Variants in FAR2 observed in about 807,000 individuals in gnomAD.
FAR2 encodes fatty acyl-CoA reductase 2.
In FAR2, 19 loss-of-function variants were observed where a neutral mutation model predicts 56.0. The ratio of observed to expected loss-of-function variants is 0.34; its 90% CI spans 0.24 to 0.50. The LOEUF (loss-of-function observed/expected upper bound fraction) is 0.50, where lower values mean the gene tolerates loss of function less well. Among genes scored for constraint, FAR2 ranks in the 20% least tolerant of loss-of-function variants. FAR2 has a pLI of 0.98. For synonymous variants in FAR2, 219 were observed against 218.8 expected (o/e 1.00, Z -0.01); for missense variants, 508 against 642.2 (o/e 0.79, Z 2.26).
In FAR2 at chr12:29,293,337, A is replaced by C. The variant is rs151289424; in HGVS notation, c.227A>C (p.His76Pro). The C allele has an allele frequency of 1.2e-6, 2 of 1,602,736 alleles. No individual in the cohort carries two copies. Among genetic ancestry groups the C allele is most frequent in the Non-Finnish European group, 1.7e-6 (2 of 1,176,246 alleles). Residue 76 changes from histidine to proline, a missense_variant, in exon 3 of 12, where the codon CAT becomes CCT. By Grantham distance (77) the His-to-Pro change is moderately conservative. Transcript: ENST00000536681. ...EKVKEVCPNV[H>P]EKIRAIYADL... The stretch of plus-strand genomic sequence containing the variant: ...GTCAAAGAAGTTTGTCCAAATGTGC[A>C]TGAGAAGATCAGAGCTATTTATGCA...
chr12:29,215,031 T>C (rs1947606005), intron 1 of FAR2, among the ~76,000 whole-genome samples: 1 of 152,050 alleles, frequency 6.6e-6, no homozygotes, highest in Admixed American at 6.5e-5. Context: ...GAGTATAATA[T>C]TCAAAGAAGA....
chr12:29,311,251 T>G, intron 7 of FAR2, 105 bp downstream of exon 7: 1 of 737,796 alleles, frequency 1.4e-6, no homozygotes. Flanking sequence ...ACCCCAAATG[T>G]GTGAAAGTGC....
chr12:29,276,016 T>C (rs2136716201), intron 2 of FAR2, among the ~76,000 whole-genome samples: 1 of 152,332 alleles, frequency 6.6e-6, no homozygotes, highest in East Asian at 1.9e-4. Flanking sequence ...TGTGATCAGA[T>C]GGTACTTAAC....
intron 1 of FAR2, among the ~76,000 whole-genome samples, chr12:29,166,649 C>T (rs1421284631): frequency 6.6e-6 from 1 of 152,158 alleles, no homozygotes; most frequent in Non-Finnish European, 1.5e-5. Context: ...GATGCTTTGA[C>T]CTCACACTTT....
chr12:29,157,686 C>T (rs1316002366), intron 1 of FAR2, among the ~76,000 whole-genome samples: 1 of 152,138 alleles, frequency 6.6e-6, no homozygotes, highest in Non-Finnish European at 1.5e-5. Context: ...TTTTAAAAAT[C>T]GTGCACTATT....
intron 1 of FAR2, among the ~76,000 whole-genome samples, chr12:29,189,012 G>A (rs1178367862): frequency 6.6e-6 from 1 of 151,912 alleles, no homozygotes; most frequent in African/African-American, 2.4e-5. Context: ...ACTTAGTTCC[G>A]GTAGTGCTTG....
intron 2 of FAR2, among the ~76,000 whole-genome samples, chr12:29,273,300 C>T: frequency 6.6e-6 from 1 of 152,170 alleles, no homozygotes; most frequent in African/African-American, 2.4e-5. Flanking sequence ...GGCTCAGGAC[C>T]AGGGAGATCA....
chr12:29,228,127 A>G (rs765392879), intron 1 of FAR2, among the ~76,000 whole-genome samples: 1 of 149,430 alleles, frequency 6.7e-6, no homozygotes, highest in Non-Finnish European at 1.5e-5. Context: ...AACTTAGAGT[A>G]TAATAAAAAA....
At chr12:29,194,765 G>T (rs1447856884) in intron 1 of FAR2, among the ~76,000 whole-genome samples, 2 of 152,096 alleles carry the variant, frequency 1.3e-5, no homozygotes, top group African/African-American at 4.8e-5. Context: ...CAGAAGAGGA[G>T]CACCTGAGGA....
rs555720019 is a variant in FAR2 at position 29,196,370 on chromosome 12, A to T, written c.-39+46963A>T. ...CATCTGTTATTTTTTGACTTTTTAA[A>T]TAGTAGCCATTCTGACTGGCACCTG... On this transcript the variant is annotated intron_variant, in intron 1 of 11. Coordinates refer to ENST00000536681, the MANE Select transcript of FAR2 (RefSeq NM_001271783.2). Among the ~76,000 whole-genome samples the T allele has an allele frequency of 3.3e-5, 5 of 152,224 alleles. 1 individual carries two copies. In the East Asian group the frequency reaches 9.6e-4, roughly 29 times the overall value.
rs1364106731 is a variant in FAR2, at chr12:29,293,457, G to A, written c.347G>A (p.Arg116His). The A allele has an allele frequency of 7.0e-6, 11 of 1,577,404 alleles. No homozygotes were observed. The highest frequency in any genetic ancestry group is 1.4e-5 in the African/African-American group (1 of 73,084). Residue 116 changes from arginine to histidine, a missense_variant, in exon 3 of 12, where the codon CGC becomes CAC. By Grantham distance (29) the Arg-to-His change is conservative. Coordinates refer to ENST00000536681, the MANE Select transcript of FAR2 (RefSeq NM_001271783.2). ...ATATTTCACTGTGCAGCCACTGTAC[G>A]CTTTGACGACACTCTCAGGTACATT... Reference protein sequence around the residue: ...NIIFHCAATVRFDDTLRHAVQ... With the variant: ...NIIFHCAATVHFDDTLRHAVQ...
At chr12:29,323,219 C>G (rs1347935752) in intron 10 of FAR2, among the ~76,000 whole-genome samples, 1 of 152,214 alleles carries the variant, frequency 6.6e-6, no homozygotes, top group Non-Finnish European at 1.5e-5. Flanking sequence ...CGCCATTGCT[C>G]AGGCCTGAGT....
rs930189452 is a variant in FAR2 at position 29,333,418 on chromosome 12, A to G, written c.1386-214A>G. 5 of 509,948 alleles carry G rather than the reference A, an allele frequency of 9.8e-6. No homozygotes were observed. The East Asian group carries it at 1.6e-4, about 16-fold the overall frequency. 31.6% of individuals were successfully genotyped at this position (509,948 alleles called of 1,614,324 possible). A position where few individuals can be genotyped will look rare whatever the true frequency, so the allele number is the denominator to read the frequency against. On this transcript the variant is annotated intron_variant, in intron 11 of 11. Transcript: ENST00000536681. ...ATAGTTTCAAGTGGAGAGAGGTATA[A>G]GAGAAATTAGGGAAATATGGTAGAA...
chr12:29,290,457 AAAAG>A (rs890457123), intron 2 of FAR2, among the ~76,000 whole-genome samples: 12 of 152,068 alleles, frequency 7.9e-5, no homozygotes, highest in Non-Finnish European at 2.9e-5. Flanking sequence ...GAAAAAAAAA[AAAAG>A]AAAGAAATAC....
At chr12:29,173,425 C>G (rs1565681128) in intron 1 of FAR2, among the ~76,000 whole-genome samples, 2 of 152,106 alleles carry the variant, frequency 1.3e-5, no homozygotes, top group South Asian at 4.1e-4. Flanking sequence ...AAATTGCAAG[C>G]TTTGCATAGT....
At chr12:29,302,178 C>T (rs976628500) in intron 4 of FAR2, 1 of 140,268 alleles carries the variant, frequency 7.1e-6, no homozygotes, top group Non-Finnish European at 1.5e-5. Flanking sequence ...TGAAGTGAGC[C>T]GAGAGATTGT....
intron 1 of FAR2, among the ~76,000 whole-genome samples, chr12:29,181,899 G>A (rs1054562768): frequency 9.2e-5 from 14 of 152,192 alleles, no homozygotes; most frequent in African/African-American, 2.4e-4. Context: ...ATTTTTTTGA[G>A]TATAAATGGA....
rs555515947 is a variant in FAR2 at position 29,167,643 on chromosome 12, A to C, written c.-39+18236A>C. ...ATATCACTTTTCCTCTTGTGGTTGA[A>C]TGTCACCCAGAGGTACTTTACATTA... On this transcript the variant is annotated intron_variant, in intron 1 of 11. Transcript: ENST00000536681. Among the ~76,000 whole-genome samples the C allele has an allele frequency of 3.3e-5, 5 of 152,324 alleles. No individual in the cohort carries two copies. The South Asian group carries it at 1.0e-3, about 32-fold the overall frequency.
chr12:29,311,899 G>A lies in FAR2; in HGVS notation c.904G>A (p.Val302Ile), dbSNP rs1591959098. Residue 302 changes from valine (V) to isoleucine (I), a missense_variant, in exon 8 of 12, where the codon GTC becomes ATC. Transcript: ENST00000536681. Reference protein sequence around the residue: ...TAVHRPKSTLVYHITSGNMNP... With the variant: ...TAVHRPKSTLIYHITSGNMNP... ...ATTTTCCAGACCTAAGTCAACATTA[G>A]TCTACCACATTACATCTGGTAACAT... 6.2e-7 allele frequency: 1 copy of A among 1,609,672 alleles called. No homozygotes were observed. Among genetic ancestry groups the A allele is most frequent in the Non-Finnish European group, 8.5e-7 (1 of 1,177,686 alleles).
Sources: gnomAD v4.1 joint callset for allele counts (sites outside exome capture counted in the v4.1 genomes callset) on GRCh38, gnomAD v4.1.1 for gene constraint, MANE v1.5 for transcripts, NCBI Gene and HGNC (gene_info 2026-07-23, HGNC 2026-07-21) for gene names.